The following RPH3AL variants were observed in gnomAD, a reference collection of about 807,000 sequenced individuals.
RPH3AL encodes rab effector Noc2.
RPH3AL carries 38 observed loss-of-function variants against 43.1 expected under a neutral mutation model. The ratio of observed to expected loss-of-function variants is 0.88; its 90% CI spans 0.68 to 1.15. RPH3AL has a LOEUF of 1.15. RPH3AL is among the 50% of genes most tolerant of loss of function. The pLI is 0.00. For missense variants in RPH3AL, 462 were observed against 423.2 expected, an observed-to-expected ratio of 1.09 and a Z score of -0.81; for synonymous variants, 189 against 176.3, an observed-to-expected ratio of 1.07 and a Z score of -0.57.
At chr17:247,313 G>C in intron 6 of RPH3AL, 28 bp from the exon 7 acceptor site, 1 of 1,534,678 alleles carries the variant, frequency 6.5e-7, no homozygotes, top group Non-Finnish European at 8.8e-7. Context: ...GCTGCTTGGG[G>C]CACAGGACGC....
chr17:324,535 G>A lies in RPH3AL; in HGVS notation c.77+2932C>T, dbSNP rs559719265. 1.2e-4 allele frequency among the ~76,000 whole-genome samples: 18 copies of A among 152,248 alleles called. No individual in the cohort carries two copies. The South Asian group carries it at 3.3e-3, about 28-fold the overall frequency. On this transcript the variant is annotated intron_variant, in intron 3 of 9. Coordinates refer to ENST00000331302, the MANE Select transcript of RPH3AL (RefSeq NM_006987.4). The stretch of plus-strand genomic sequence containing the variant: ...TGCACGTTCCCCGCACGGCGCCCTC[G>A]TCTCTCAGCTCACCAGTGGCTCCCT...
intron 6 of RPH3AL, among the ~76,000 whole-genome samples, chr17:250,063 C>T (rs888176547): frequency 6.9e-6 from 1 of 144,724 alleles, no homozygotes; most frequent in African/African-American, 2.6e-5. Context: ...CCTCTGGGAG[C>T]CTTTACTAAG....
At chr17:235,897 ATACAG>A (rs2041377360) in intron 7 of RPH3AL, among the ~76,000 whole-genome samples, 1 of 84,600 alleles carries the variant, frequency 1.2e-5, no homozygotes, top group Non-Finnish European at 2.6e-5. Context: ...AACAAGAGGG[ATACAG>A]GGTTCAAAGC....
At chr17:238,860 G>A (rs572845963) in intron 7 of RPH3AL, among the ~76,000 whole-genome samples, 22 of 152,242 alleles carry the variant, frequency 1.4e-4, no homozygotes, top group African/African-American at 4.3e-4. Flanking sequence ...CACCGGTGCC[G>A]CCATTTACAC....
chr17:273,333 A>G (rs2042561287), intron 6 of RPH3AL, among the ~76,000 whole-genome samples: 1 of 99,134 alleles, frequency 1.0e-5, no homozygotes, highest in African/African-American at 3.3e-5. Flanking sequence ...TGTCAGGGAG[A>G]GACCCCAGCG....
intron 4 of RPH3AL, among the ~76,000 whole-genome samples, chr17:320,566 G>A (rs2044438913): frequency 6.6e-6 from 1 of 152,074 alleles, no homozygotes; most frequent in Non-Finnish European, 1.5e-5. Context: ...TTGAGCCCAG[G>A]AAGTTGAGGC....
At position 213,722 on chromosome 17, in the gene RPH3AL, T is replaced by C; in HGVS notation, c.*130A>G. 1 of 757,640 alleles carries C rather than the reference T, an allele frequency of 1.3e-6. No homozygotes were observed. The highest frequency in any genetic ancestry group is 1.5e-5 in the South Asian group (1 of 67,214). The allele number at this position is 757,640 out of a possible 1,614,324, so 46.9% of individuals were successfully genotyped here. A position where few individuals can be genotyped will look rare whatever the true frequency, so the allele number is the denominator to read the frequency against. The stretch of plus-strand genomic sequence containing the variant: ...GCACTGAGCTGGGGAGGCAGACGGC[T>C]CCCAACACTGGTTTGTTGAGTCATG... On this transcript the variant is annotated 3_prime_UTR_variant, in exon 10 of 10. Coordinates refer to ENST00000331302, the MANE Select transcript of RPH3AL (RefSeq NM_006987.4).
chr17:292,764 G>A lies in RPH3AL; in HGVS notation c.352-10910C>T, dbSNP rs111797394. On this transcript the variant is annotated intron_variant, in intron 5 of 9. Transcript: ENST00000331302. Reference sequence around the variant, plus strand: ...GACAGATGAGGTCAAGCTTCAAGTGGGAGGGGCACAGCCAGGCCCCTCTTC... The same window carrying A: ...GACAGATGAGGTCAAGCTTCAAGTGAGAGGGGCACAGCCAGGCCCCTCTTC... 2.8e-3 allele frequency among the ~76,000 whole-genome samples: 426 copies of A among 152,274 alleles called. 3 individuals carry two copies. The highest frequency in any genetic ancestry group is 9.6e-3 in the African/African-American group (400 of 41,564).
intron 2 of RPH3AL, chr17:331,589 C>T: frequency 7.8e-7 from 1 of 1,283,648 alleles, no homozygotes; most frequent in Non-Finnish European, 1.0e-6. Context: ...CTCGAGGAGG[C>T]ACATTTTAGG....
chr17:270,059 A>G (rs528891940), intron 6 of RPH3AL, among the ~76,000 whole-genome samples: 1 of 152,240 alleles, frequency 6.6e-6, no homozygotes, highest in East Asian at 1.9e-4. Context: ...GCAGAGCCAC[A>G]GAGGCGTGGG....
chr17:277,602 G>A (rs537609029), intron 6 of RPH3AL, among the ~76,000 whole-genome samples: 1 of 152,264 alleles, frequency 6.6e-6, no homozygotes, highest in South Asian at 2.1e-4. Flanking sequence ...GGGGGAGATC[G>A]GATTCTGTCT....
At chr17:349,032 T>A (rs997350243) in intron 1 of RPH3AL, 2 of 152,132 alleles carry the variant, frequency 1.3e-5, no homozygotes, top group Admixed American at 1.3e-4. Context: ...GCTGAGGCCA[T>A]GCAAAGAACA....
At chr17:272,781 C>T (rs995204463) in intron 6 of RPH3AL, among the ~76,000 whole-genome samples, 1 of 151,418 alleles carries the variant, frequency 6.6e-6, no homozygotes, top group Non-Finnish European at 1.5e-5. Flanking sequence ...CACACACACA[C>T]ACACACACCA....
chr17:231,053 T>C (rs1253628084), intron 7 of RPH3AL, among the ~76,000 whole-genome samples: 1 of 152,242 alleles, frequency 6.6e-6, no homozygotes, highest in Non-Finnish European at 1.5e-5. Flanking sequence ...TCCGTATCTG[T>C]GTCTTTGTGT....
chr17:304,813 T>A (rs1227137704), intron 5 of RPH3AL, among the ~76,000 whole-genome samples: 2 of 151,304 alleles, frequency 1.3e-5, no homozygotes, highest in Middle Eastern at 3.4e-3. Context: ...AAACCATTTT[T>A]AAACCATTTT....
intron 7 of RPH3AL, among the ~76,000 whole-genome samples, chr17:228,759 G>A (rs923784613): frequency 1.3e-5 from 2 of 152,080 alleles, no homozygotes; most frequent in African/African-American, 4.8e-5. Flanking sequence ...TGACCCTAAC[G>A]GCTCTATCCC....
intron 5 of RPH3AL, among the ~76,000 whole-genome samples, chr17:300,634 CACTCTA>C: frequency 7.5e-6 from 1 of 133,658 alleles, no homozygotes; most frequent in Non-Finnish European, 1.6e-5. Flanking sequence ...ATCTCTCACC[CACTCTA>C]GAAGGGGCTG....
intron 2 of RPH3AL, among the ~76,000 whole-genome samples, chr17:330,142 G>A (rs1430517305): frequency 6.6e-6 from 1 of 152,236 alleles, no homozygotes; most frequent in African/African-American, 2.4e-5. Context: ...GACCAGCAGA[G>A]GTAACATGCA....
chr17:299,262 C>G (rs1388766390), intron 5 of RPH3AL, among the ~76,000 whole-genome samples: 1 of 150,242 alleles, frequency 6.7e-6, no homozygotes, highest in African/African-American at 2.5e-5. Flanking sequence ...AATGCCGCTG[C>G]TGTCTGAGCC....
Sources: allele counts gnomAD v4.1 joint callset (sites outside exome capture counted in the v4.1 genomes callset), GRCh38; gene constraint gnomAD v4.1.1; transcripts MANE v1.5; gene names NCBI Gene and HGNC (gene_info 2026-07-23, HGNC 2026-07-21).